CAAP1: variants seen among roughly 807,000 people sequenced by gnomAD.
The protein encoded by CAAP1 is conserved anti-apoptotic protein.
CAAP1 carries 20 observed loss-of-function variants against 34.0 expected under a neutral mutation model. That is an observed-to-expected ratio of 0.59 (90% CI 0.41 to 0.86). The LOEUF (loss-of-function observed/expected upper bound fraction) is 0.86. CAAP1 is among the 40% of genes least tolerant of loss of function. CAAP1 has a pLI of 0.00. For missense variants in CAAP1, 538 were observed against 450.5 expected (o/e 1.19, Z -1.76); for synonymous variants, 213 against 166.7 (o/e 1.28, Z -2.14).
intron 4 of CAAP1, among the ~76,000 whole-genome samples, chr9:26,864,494 A>C (rs781458517): frequency 1.3e-5 from 2 of 152,034 alleles, no homozygotes; most frequent in Non-Finnish European, 2.9e-5. Context: ...AAGGAAACTT[A>C]TCTCTGTTTC....
intron 4 of CAAP1, among the ~76,000 whole-genome samples, chr9:26,864,850 A>G (rs1823094083): frequency 1.3e-5 from 2 of 152,238 alleles, no homozygotes; most frequent in South Asian, 2.1e-4. Context: ...TTAGGTCACA[A>G]TATTGCCAGT....
intron 5 of CAAP1, among the ~76,000 whole-genome samples, chr9:26,855,054 A>G (rs1256645499): frequency 6.6e-6 from 1 of 152,236 alleles, no homozygotes; most frequent in Admixed American, 6.5e-5. Flanking sequence ...CCTGCACACT[A>G]TTTTATCCAT....
intron 4 of CAAP1, among the ~76,000 whole-genome samples, chr9:26,875,264 T>C (rs1823399336): frequency 6.6e-6 from 1 of 152,132 alleles, no homozygotes; most frequent in Non-Finnish European, 1.5e-5. Flanking sequence ...CATGCACCTG[T>C]AATCCCAGAT....
chr9:26,879,537 T>C (rs1370730203), intron 4 of CAAP1, among the ~76,000 whole-genome samples: 2 of 152,224 alleles, frequency 1.3e-5, no homozygotes, highest in Non-Finnish European at 2.9e-5. Context: ...TGCAAAGTAT[T>C]GTTCCTGGGT....
chr9:26,891,961 A>C (rs1823913801), intron 1 of CAAP1, among the ~76,000 whole-genome samples: 1 of 152,130 alleles, frequency 6.6e-6, no homozygotes, highest in South Asian at 2.1e-4. Flanking sequence ...TTGGATTCAA[A>C]CCTAGGAGCT....
chr9:26,842,456 A>C lies in CAAP1; in HGVS notation c.931T>G (p.Ser311Ala), dbSNP rs1253705888. 2.5e-6 allele frequency: 4 copies of C among 1,613,518 alleles called. No individual in the cohort carries two copies. The highest frequency in any genetic ancestry group is 3.4e-6 in the Non-Finnish European group (4 of 1,179,914). ...GCTGCTTTGGGTTCGTTTGGGCTAG[A>C]CTCTGCCAGTCCTAGAATCTCATTC... The part of the protein sequence containing the change: ...SVNEILGLAE[S>A]SPNEPKAATL... Residue 311 changes from serine to alanine, a missense_variant, in exon 6 of 6, where the codon TCT (serine) becomes GCT (alanine). Physicochemically the swap from Ser to Ala is moderately conservative, Grantham distance 99 (BLOSUM62 1). Coordinates refer to ENST00000333916, the MANE Select transcript of CAAP1 (RefSeq NM_024828.4).
chr9:26,867,008 G>T (rs114927107), intron 4 of CAAP1, among the ~76,000 whole-genome samples: 1 of 152,058 alleles, frequency 6.6e-6, no homozygotes, highest in African/African-American at 2.4e-5. Flanking sequence ...ATTACGGCCT[G>T]AGCTCCACCC....
chr9:26,891,196 G>C (rs1480986397), intron 1 of CAAP1, among the ~76,000 whole-genome samples: 1 of 152,212 alleles, frequency 6.6e-6, no homozygotes, highest in Non-Finnish European at 1.5e-5. Context: ...AGAGAATAAT[G>C]AGCAGAGGAT....
chr9:26,850,118 C>T (rs1304517921), intron 5 of CAAP1, among the ~76,000 whole-genome samples: 20 of 152,150 alleles, frequency 1.3e-4, no homozygotes, highest in Admixed American at 1.2e-3. Flanking sequence ...TTACAGGCGT[C>T]AGCCACCACG....
chr9:26,868,837 TAAGAG>T (rs1823203272), intron 4 of CAAP1, among the ~76,000 whole-genome samples: 1 of 152,168 alleles, frequency 6.6e-6, no homozygotes, highest in African/African-American at 2.4e-5. Flanking sequence ...AAAAAAGACT[TAAGAG>T]AGAGAACAAC....
chr9:26,862,191 A>G (rs886423083), intron 4 of CAAP1, among the ~76,000 whole-genome samples: 9 of 152,162 alleles, frequency 5.9e-5, no homozygotes, highest in African/African-American at 2.2e-4. Context: ...GAGGATATCA[A>G]CAATTCTCCT....
chr9:26,840,864 C>T lies in CAAP1; in HGVS notation c.*1437G>A, dbSNP rs557207208. ...AAGTTGAAATAGAAAAATTATATCA[C>T]TGTCTTTTCATCTTGAAGCAATAAC... On this transcript the variant is annotated 3_prime_UTR_variant, in exon 6 of 6. Transcript: ENST00000333916. 2.0e-5 allele frequency: 3 copies of T among 152,300 alleles called. No individual in the cohort carries two copies. Among genetic ancestry groups the T allele is most frequent in the Non-Finnish European group, 4.4e-5 (3 of 68,018 alleles). The allele number at this position is 152,300 out of a possible 1,614,324, so 9.4% of individuals were successfully genotyped here.
Position 26,880,100 on chromosome 9 carries a change from G to T in CAAP1, c.665+4710C>A, listed in dbSNP as rs977063006. ...CAATAATAGGAAAAAAATCCGGGGG[G>T]GGGGGGTCTCTTTTAGAGAATGTAA... On this transcript the variant is annotated intron_variant, in intron 4 of 5. Transcript: ENST00000333916. The T allele has an allele frequency of 2.3e-5, 4 of 175,254 alleles. No individual in the cohort carries two copies. The South Asian group carries it at 4.0e-4, about 17-fold the overall frequency. 10.9% of individuals were successfully genotyped at this position (175,254 alleles called of 1,614,324 possible).
chr9:26,892,483 C>A lies in CAAP1; in HGVS notation c.233G>T (p.Ser78Ile), dbSNP rs908944800. 1.9e-6 allele frequency: 3 copies of A among 1,559,318 alleles called. No homozygotes were observed. Among genetic ancestry groups the A allele is most frequent in the African/African-American group, 2.7e-5 (2 of 73,374 alleles). The change falls in exon 1 of 6, where the codon AGC becomes ATC. Residue 78 changes from serine (S) to isoleucine (I), a missense_variant. Transcript: ENST00000333916. ...CTTCCGGCGCTCGCTGCGCTCCACG[C>A]TGCTCCCGCCCCAACAGCTGCCGCC... ...GSGGSCWGGS[S>I]VERSERRKRR...
Position 26,892,789 on chromosome 9 carries a change from G to C in CAAP1, c.-74C>G. On this transcript the variant is annotated 5_prime_UTR_variant, in exon 1 of 6. Transcript: ENST00000333916. ...ACCGAAGCCCGACTCCTGCGGCCGT[G>C]GGCGGCAGGCACTGGCGTCGCAGGT... 1.4e-6 allele frequency: 2 copies of C among 1,409,906 alleles called. No individual in the cohort carries two copies. Among genetic ancestry groups the C allele is most frequent in the Non-Finnish European group, 1.9e-6 (2 of 1,051,818 alleles). 87.3% of individuals were successfully genotyped at this position (1,409,906 alleles called of 1,614,324 possible). A position where few individuals can be genotyped will look rare whatever the true frequency, so the allele number is the denominator to read the frequency against.
rs1173106077 is a variant in CAAP1, at chr9:26,892,527, A to G, written c.189T>C (p.Ser63=). 7.0e-6 allele frequency: 11 copies of G among 1,573,940 alleles called. No homozygotes were observed. Among genetic ancestry groups the G allele is most frequent in the Non-Finnish European group, 8.6e-6 (10 of 1,159,862 alleles). The change falls in exon 1 of 6, where the codon AGT becomes AGC. Residue 63 remains serine, a synonymous_variant. Transcript: ENST00000333916. ...TGCCGCCGCTCCCACCGCCGGTGAC[A>G]CTTCCACTAAAATTGGCGTTCCCAC... ...SCCGNANFSG[S]VTGGGSGGSC...
At chr9:26,861,544 C>G (rs1010146285) in intron 4 of CAAP1, among the ~76,000 whole-genome samples, 4 of 152,086 alleles carry the variant, frequency 2.6e-5, no homozygotes, top group Admixed American at 1.3e-4. Context: ...AATTTCATAC[C>G]TCAAATGCTT....
At chr9:26,886,238 A>G (rs755898334) in intron 2 of CAAP1, 50 bp from the exon 3 acceptor site, 17 of 890,174 alleles carry the variant, frequency 1.9e-5, no homozygotes, top group Middle Eastern at 3.2e-4. Flanking sequence ...CACAGCCCCA[A>G]TGTAAACTGG....
At chr9:26,849,522 CT>C (rs1469832024) in intron 5 of CAAP1, among the ~76,000 whole-genome samples, 1 of 152,016 alleles carries the variant, frequency 6.6e-6, no homozygotes. Flanking sequence ...TCCTGTGCCA[CT>C]TTGATTATTA....
Sources: allele counts gnomAD v4.1 joint callset (sites outside exome capture counted in the v4.1 genomes callset), GRCh38; gene constraint gnomAD v4.1.1; transcripts MANE v1.5; gene names NCBI Gene and HGNC (gene_info 2026-07-23, HGNC 2026-07-21).